Variants in NUDCD3 observed in about 807,000 individuals in gnomAD.
NUDCD3 encodes the protein NudC domain containing 3, also known as nudC domain-containing protein 3.
A neutral mutation model predicts 39.7 loss-of-function variants in NUDCD3; 13 were observed. The observed-to-expected ratio is 0.33, with a 90% CI of 0.21 to 0.52. The LOEUF is 0.52. Among genes scored for constraint, NUDCD3 ranks in the 20% least tolerant of loss-of-function variants. NUDCD3 has a pLI of 0.96. For missense variants in NUDCD3, 453 were observed against 458.1 expected (o/e 0.99, Z 0.10); for synonymous variants, 175 against 172.4 (o/e 1.02, Z -0.12).
intron 2 of NUDCD3, among the ~76,000 whole-genome samples, chr7:44,438,861 C>T (rs958843468): frequency 6.6e-6 from 1 of 152,128 alleles, no homozygotes; most frequent in Admixed American, 6.5e-5. Context: ...TACCTGGAAG[C>T]CTTGTTAACA....
At chr7:44,445,887 C>A (rs1485321496) in intron 2 of NUDCD3, among the ~76,000 whole-genome samples, 1 of 152,202 alleles carries the variant, frequency 6.6e-6, no homozygotes, top group East Asian at 1.9e-4. Context: ...TACTTAAGGA[C>A]ACAGACTCTG....
intron 3 of NUDCD3, among the ~76,000 whole-genome samples, chr7:44,426,872 T>A (rs967505448): frequency 6.6e-6 from 1 of 151,074 alleles, no homozygotes; most frequent in African/African-American, 2.4e-5. Flanking sequence ...CCTCCCTCCA[T>A]CCCTCCTGTG....
chr7:44,387,053 T>C (rs1298602243), intron 5 of NUDCD3, among the ~76,000 whole-genome samples: 1 of 152,232 alleles, frequency 6.6e-6, no homozygotes, highest in Non-Finnish European at 1.5e-5. Context: ...ACAGTCCCTG[T>C]TGCACAAAAC....
chr7:44,386,208 C>T, intron 5 of NUDCD3, 87 bp from the exon 6 acceptor site: 2 of 1,428,316 alleles, frequency 1.4e-6, no homozygotes, highest in South Asian at 1.2e-5. Context: ...AGGTAGAGAG[C>T]CTTCTTGCTT....
At chr7:44,415,843 G>C (rs1799010623) in intron 3 of NUDCD3, among the ~76,000 whole-genome samples, 1 of 152,130 alleles carries the variant, frequency 6.6e-6, no homozygotes, top group African/African-American at 2.4e-5. Flanking sequence ...TTACCATCGT[G>C]ACAATGTCCC....
intron 2 of NUDCD3, among the ~76,000 whole-genome samples, chr7:44,438,805 A>C (rs1799517457): frequency 6.6e-6 from 1 of 152,214 alleles, no homozygotes; most frequent in Admixed American, 6.5e-5. Context: ...TGCCAGAAAA[A>C]GAGCAAGCTC....
chr7:44,414,084 A>G (rs1798978126), intron 3 of NUDCD3, among the ~76,000 whole-genome samples: 1 of 152,214 alleles, frequency 6.6e-6, no homozygotes. Context: ...ATACCTTTCA[A>G]TATAGCAACT....
intron 3 of NUDCD3, among the ~76,000 whole-genome samples, chr7:44,411,296 T>G (rs1461899301): frequency 6.6e-6 from 1 of 152,130 alleles, no homozygotes; most frequent in Non-Finnish European, 1.5e-5. Context: ...CATCAAAATT[T>G]AAAACTTTTA....
rs549304929 is a variant in NUDCD3 at position 44,392,612 on chromosome 7, G to T, written c.787-127C>A. 13 of 772,926 alleles carry T rather than the reference G, an allele frequency of 1.7e-5. No individual in the cohort carries two copies. The East Asian group carries it at 3.4e-4, about 20-fold the overall frequency. 47.9% of individuals were successfully genotyped at this position (772,926 alleles called of 1,614,324 possible). ...CTCAGGACCAACTACACAAAGGGAG[G>T]TGACAGACAAGAGGGGGTGCCAGAA... On this transcript the variant is annotated intron_variant, in intron 4 of 5. Transcript: ENST00000355451.
In NUDCD3 at chr7:44,385,958, C is replaced by A. The variant is rs1280288457; in HGVS notation, c.*53G>T. On this transcript the variant is annotated 3_prime_UTR_variant, in exon 6 of 6. Coordinates refer to ENST00000355451, the MANE Select transcript of NUDCD3 (RefSeq NM_015332.4). The stretch of plus-strand genomic sequence containing the variant: ...AATGCAGGGAGCCAAGAAGGGCAGC[C>A]GAGGATAAGGCTCTGCCTCCCCACC... 4 of 908,246 alleles carry A rather than the reference C, an allele frequency of 4.4e-6. No individual in the cohort carries two copies. The East Asian group carries it at 9.6e-5, about 22-fold the overall frequency. The allele number at this position is 908,246 out of a possible 1,614,324, so 56.3% of individuals were successfully genotyped here. A position where few individuals can be genotyped will look rare whatever the true frequency, so the allele number is the denominator to read the frequency against.
chr7:44,488,338 G>GA (rs368893785), intron 1 of NUDCD3, among the ~76,000 whole-genome samples: 2,491 of 108,132 alleles, frequency 0.023, 74 homozygotes, highest in African/African-American at 0.068. Context: ...CCATCTCCAG[G>GA]AAAAAAAAAA....
intron 2 of NUDCD3, among the ~76,000 whole-genome samples, chr7:44,446,367 G>A (rs1799690975): frequency 6.6e-6 from 1 of 152,216 alleles, no homozygotes; most frequent in Non-Finnish European, 1.5e-5. Context: ...GAGCATTCAA[G>A]TCAGCTAGCT....
intron 2 of NUDCD3, among the ~76,000 whole-genome samples, chr7:44,463,714 G>T (rs1319278162): frequency 6.6e-6 from 1 of 151,932 alleles, no homozygotes; most frequent in African/African-American, 2.4e-5. Flanking sequence ...TAAATAAAAG[G>T]TGAGCCCAAG....
At chr7:44,440,516 A>AG (rs58220694) in intron 2 of NUDCD3, among the ~76,000 whole-genome samples, 2 of 149,890 alleles carry the variant, frequency 1.3e-5, no homozygotes, top group African/African-American at 4.9e-5. Context: ...AAAAAAAAAA[A>AG]GCCTGTGATC....
At chr7:44,458,285 T>TTA in intron 2 of NUDCD3, among the ~76,000 whole-genome samples, 1 of 152,200 alleles carries the variant, frequency 6.6e-6, no homozygotes, top group Non-Finnish European at 1.5e-5. Context: ...CAAAGTAGAC[T>TTA]GGTAATTGCC....
intron 2 of NUDCD3, among the ~76,000 whole-genome samples, chr7:44,470,751 G>C (rs1800238089): frequency 1.3e-5 from 2 of 152,244 alleles, no homozygotes; most frequent in African/African-American, 4.8e-5. Flanking sequence ...CTGGAAGACA[G>C]AGAAGTGGCC....
At chr7:44,489,908 C>A (rs914680071) in intron 1 of NUDCD3, 1 of 152,548 alleles carries the variant, frequency 6.6e-6, no homozygotes, top group African/African-American at 2.4e-5. Context: ...CTGGAGGGTA[C>A]GGAATTAAGC....
At chr7:44,450,900 A>G (rs1799783323) in intron 2 of NUDCD3, among the ~76,000 whole-genome samples, 1 of 152,214 alleles carries the variant, frequency 6.6e-6, no homozygotes, top group Non-Finnish European at 1.5e-5. Flanking sequence ...ACAACCCAAT[A>G]TTAATCAATA....
intron 2 of NUDCD3, among the ~76,000 whole-genome samples, chr7:44,473,537 C>T (rs1361324473): frequency 6.6e-6 from 1 of 152,138 alleles, no homozygotes; most frequent in Non-Finnish European, 1.5e-5. Context: ...ACAGCACATT[C>T]CAGGGATATG....
Sources: gnomAD v4.1 joint callset for allele counts (sites outside exome capture counted in the v4.1 genomes callset) on GRCh38, gnomAD v4.1.1 for gene constraint, MANE v1.5 for transcripts, NCBI Gene and HGNC (gene_info 2026-07-23, HGNC 2026-07-21) for gene names.